Variants in RARB observed in about 807,000 individuals in gnomAD.
RARB encodes the protein retinoic acid receptor beta.
In RARB, 17 loss-of-function variants were observed where a neutral mutation model predicts 51.9. The ratio of observed to expected loss-of-function variants is 0.33; its 90% CI spans 0.22 to 0.49. RARB has a LOEUF of 0.49. Ranked by LOEUF, RARB falls within the 20% of genes least tolerant of loss-of-function variation. The probability of loss-of-function intolerance (pLI) is 0.99; values close to 1 mark genes in which losing one functional copy is unlikely to be tolerated. For missense variants in RARB, 369 were observed against 550.8 expected (o/e 0.67, Z 3.30); for synonymous variants, 215 against 195.4 (o/e 1.10, Z -0.84).
At chr3:25,271,892 T>TA (rs1229889252) in intron 5 of RARB, among the ~76,000 whole-genome samples, 1 of 152,174 alleles carries the variant, frequency 6.6e-6, no homozygotes, top group Non-Finnish European at 1.5e-5. Flanking sequence ...AGTTTAAAAT[T>TA]AAAATACTTA....
intron 5 of RARB, among the ~76,000 whole-genome samples, chr3:25,257,261 C>T (rs140884545): frequency 2.2e-3 from 331 of 152,122 alleles, no homozygotes; most frequent in African/African-American, 6.6e-3. Flanking sequence ...TGCTCCATTC[C>T]GGGTACCACA....
Position 24,873,058 on chromosome 3 carries a change from C to T in RARB, c.-380+14306C>T, listed in dbSNP as rs573529425. On this transcript the variant is annotated intron_variant, in intron 2 of 11. Transcript: ENST00000383772. Reference sequence around the variant, plus strand: ...TATTCTAGCATAAAAGCAGTTATAGCACAGACAATACATTTTTTAAAAAGT... The same window carrying T: ...TATTCTAGCATAAAAGCAGTTATAGTACAGACAATACATTTTTTAAAAAGT... 5.9e-5 allele frequency among the ~76,000 whole-genome samples: 9 copies of T among 152,186 alleles called. 1 individual carries two copies. The South Asian group carries it at 1.5e-3, about 25-fold the overall frequency.
chr3:25,211,116 CT>C (rs1403366131), intron 5 of RARB, among the ~76,000 whole-genome samples: 1 of 152,148 alleles, frequency 6.6e-6, no homozygotes, highest in Non-Finnish European at 1.5e-5. Context: ...CAAATATTAA[CT>C]TTTATTCATC....
chr3:24,934,988 T>C (rs1695519953), intron 2 of RARB, among the ~76,000 whole-genome samples: 1 of 152,148 alleles, frequency 6.6e-6, no homozygotes, highest in African/African-American at 2.4e-5. Flanking sequence ...TTGAAGTGTT[T>C]AACGAACCCT....
intron 2 of RARB, among the ~76,000 whole-genome samples, chr3:24,900,154 A>G (rs1189132263): frequency 6.6e-6 from 1 of 152,240 alleles, no homozygotes; most frequent in Non-Finnish European, 1.5e-5. Flanking sequence ...TTAAGGAGAA[A>G]AATGGTCAGT....
intron 2 of RARB, among the ~76,000 whole-genome samples, chr3:25,057,581 A>G (rs1157376725): frequency 6.6e-6 from 1 of 152,016 alleles, no homozygotes; most frequent in African/African-American, 2.4e-5. Flanking sequence ...GCTTTGAAAG[A>G]CTTGGCATAG....
chr3:24,877,609 G>C (rs1184649733), intron 2 of RARB, among the ~76,000 whole-genome samples: 1 of 152,018 alleles, frequency 6.6e-6, no homozygotes, highest in Non-Finnish European at 1.5e-5. Context: ...ACCAGCGTAA[G>C]GGCAGGAGGT....
intron 3 of RARB, among the ~76,000 whole-genome samples, chr3:25,071,301 T>A (rs748049857): frequency 1.9e-4 from 29 of 152,216 alleles, no homozygotes; most frequent in Admixed American, 3.3e-4. Flanking sequence ...TAGCTGATTT[T>A]GATAATCACA....
chr3:25,379,063 A>G (rs1706550624), intron 5 of RARB, among the ~76,000 whole-genome samples: 1 of 152,178 alleles, frequency 6.6e-6, no homozygotes, highest in Admixed American at 6.5e-5. Context: ...TGCAGGCAAC[A>G]TAAGTTGTTG....
upstream of RARB, among the ~76,000 whole-genome samples, chr3:25,426,130 G>C (rs1266994425): frequency 6.6e-6 from 1 of 152,164 alleles, no homozygotes; most frequent in Non-Finnish European, 1.5e-5. Flanking sequence ...AGTAGAAATT[G>C]GCACATAATG....
At chr3:25,191,993 A>T (rs997358254) in intron 5 of RARB, among the ~76,000 whole-genome samples, 1 of 152,120 alleles carries the variant, frequency 6.6e-6, no homozygotes, top group African/African-American at 2.4e-5. Flanking sequence ...ATATCGAATC[A>T]CGGCAGTTAT....
chr3:25,239,009 T>C (rs892085718), intron 5 of RARB, among the ~76,000 whole-genome samples: 1 of 152,092 alleles, frequency 6.6e-6, no homozygotes, highest in African/African-American at 2.4e-5. Context: ...ATAACTGGGG[T>C]AGGATGATAG....
intron 2 of RARB, among the ~76,000 whole-genome samples, chr3:24,965,679 A>T (rs1696238951): frequency 6.6e-6 from 1 of 152,172 alleles, no homozygotes; most frequent in African/African-American, 2.4e-5. Context: ...AGTTATAAGG[A>T]TTAAATGAAA....
rs78332806 is a variant in RARB at position 24,893,214 on chromosome 3, C to T, written c.-380+34462C>T. 8.7e-3 allele frequency among the ~76,000 whole-genome samples: 1,329 copies of T among 152,254 alleles called. 81 individuals carry two copies. The East Asian group carries it at 0.16, about 18-fold the overall frequency. On this transcript the variant is annotated intron_variant, in intron 2 of 11. Coordinates refer to the RARB transcript ENST00000383772. ...TAAACCATGTTGGGAGATTGTGTTA[C>T]CAATTCAATGTCTTGATCTTGACAA...
At chr3:24,854,302 C>A (rs1272203593) in intron 1 of RARB, among the ~76,000 whole-genome samples, 1 of 152,194 alleles carries the variant, frequency 6.6e-6, no homozygotes, top group Non-Finnish European at 1.5e-5. Context: ...ACTCATGTTT[C>A]TCAATGTGTA....
At chr3:24,857,517 C>T (rs9876433) in intron 1 of RARB, among the ~76,000 whole-genome samples, 144 of 152,276 alleles carry the variant, frequency 9.5e-4, no homozygotes, top group African/African-American at 3.3e-3. Flanking sequence ...GGTAGATACA[C>T]GTATACTAAA....
chr3:25,587,848 C>T (rs1233179345), intron 5 of RARB, among the ~76,000 whole-genome samples: 2 of 152,188 alleles, frequency 1.3e-5, no homozygotes, highest in Non-Finnish European at 2.9e-5. Context: ...TGTAGAGTGA[C>T]CAAGATGGTT....
chr3:25,137,896 T>C (rs1660493818), intron 4 of RARB, among the ~76,000 whole-genome samples: 1 of 152,118 alleles, frequency 6.6e-6, no homozygotes, highest in Admixed American at 6.6e-5. Flanking sequence ...TAGTTGAGTT[T>C]AAAAGAAGAT....
At position 24,906,448 on chromosome 3, in the gene RARB, T is replaced by G. The variant is rs147789994; in HGVS notation, c.-380+47696T>G. 1.6e-3 allele frequency among the ~76,000 whole-genome samples: 239 copies of G among 152,312 alleles called. 4 individuals carry two copies. In the East Asian group the frequency reaches 0.043, roughly 28 times the overall value. ...ATTTAAAGACCAGGATAGTTGAGATTGTTGTAACAAAAGTACTTGAGTGTG... is the reference window on the plus strand; with the variant it reads ...ATTTAAAGACCAGGATAGTTGAGATGGTTGTAACAAAAGTACTTGAGTGTG... On this transcript the variant is annotated intron_variant, in intron 2 of 11. Coordinates refer to the RARB transcript ENST00000383772.
Sources: allele counts gnomAD v4.1 joint callset (sites outside exome capture counted in the v4.1 genomes callset), GRCh38; gene constraint gnomAD v4.1.1; transcripts MANE v1.5; gene names NCBI Gene and HGNC (gene_info 2026-07-23, HGNC 2026-07-21).